Variants in ERC2 observed in about 807,000 individuals in gnomAD.
The protein encoded by ERC2 is ERC protein 2.
Under a neutral mutation model 114.8 loss-of-function variants are expected in ERC2, and 42 were observed. That is an observed-to-expected ratio of 0.37 (90% confidence interval 0.29 to 0.47). The LOEUF is 0.47. Among genes scored for constraint, ERC2 ranks in the 20% least tolerant of loss-of-function variants. ERC2 has a pLI of 0.99. For synonymous variants in ERC2, 454 were observed against 425.5 expected (o/e 1.07, Z -0.82); for missense variants, 939 against 1,150.7 (o/e 0.82, Z 2.66).
At chr3:56,151,547 A>C (rs1220654241) in intron 4 of ERC2, among the ~76,000 whole-genome samples, 1 of 152,202 alleles carries the variant, frequency 6.6e-6, no homozygotes, top group African/African-American at 2.4e-5. Flanking sequence ...CAAAACGCCA[A>C]ACCAGAGAAG....
chr3:56,441,985 C>T (rs546670462), intron 1 of ERC2, among the ~76,000 whole-genome samples: 9 of 152,266 alleles, frequency 5.9e-5, no homozygotes, highest in Middle Eastern at 6.8e-3. Context: ...CCAGCCTGGG[C>T]AACAAAGTGA....
chr3:56,076,631 T>C (rs915793040), intron 7 of ERC2, among the ~76,000 whole-genome samples: 1 of 152,222 alleles, frequency 6.6e-6, no homozygotes, highest in Non-Finnish European at 1.5e-5. Flanking sequence ...GAGAACTCCA[T>C]GTCTTGGAAT....
chr3:55,687,217 T>TTGTTGTTG (rs986568184), intron 16 of ERC2, among the ~76,000 whole-genome samples: 1 of 152,192 alleles, frequency 6.6e-6, no homozygotes, highest in Non-Finnish European at 1.5e-5. Flanking sequence ...GACAAGAGAC[T>TTGTTGTTG]TGTTGTTGTG....
At chr3:55,875,555 T>C (rs140064294) in intron 14 of ERC2, among the ~76,000 whole-genome samples, 38 of 152,278 alleles carry the variant, frequency 2.5e-4, no homozygotes, top group African/African-American at 8.9e-4. Flanking sequence ...CTTGTCCCAC[T>C]TGACTGGCAG....
Position 55,511,138 on chromosome 3 carries a change from A to G in ERC2, c.*178T>C, listed in dbSNP as rs1276708014. 1 of 152,620 alleles carries G rather than the reference A, an allele frequency of 6.6e-6. No homozygotes were observed. The highest frequency in any genetic ancestry group is 2.1e-4 in the South Asian group (1 of 4,824). The allele number at this position is 152,620 out of a possible 1,614,324, so 9.5% of individuals were successfully genotyped here. On this transcript the variant is annotated 3_prime_UTR_variant, in exon 18 of 18. Transcript: ENST00000288221. Reference sequence around the variant, plus strand: ...ATCAAGTAGAACAGAATCACGCTCAATAAGGTAAGTGAAAACTCCCCTTCA... The same window carrying G: ...ATCAAGTAGAACAGAATCACGCTCAGTAAGGTAAGTGAAAACTCCCCTTCA...
chr3:55,610,504 AAAACACACAC>A (rs1021838074), intron 17 of ERC2: 3 of 73,860 alleles, frequency 4.1e-5, no homozygotes, highest in African/African-American at 1.3e-4. Flanking sequence ...TCTCTACGGA[AAAACACACAC>A]ACACACACAC....
intron 6 of ERC2, among the ~76,000 whole-genome samples, chr3:56,092,814 G>A (rs2077864205): frequency 6.6e-6 from 1 of 152,104 alleles, no homozygotes; most frequent in South Asian, 2.1e-4. Flanking sequence ...AAAATACCAT[G>A]TGTCATTCAT....
intron 14 of ERC2, among the ~76,000 whole-genome samples, chr3:55,884,031 T>A (rs1449304848): frequency 6.6e-6 from 1 of 152,224 alleles, no homozygotes; most frequent in African/African-American, 2.4e-5. Context: ...CCTCATGTGA[T>A]GTTGTACTTT....
chr3:56,077,958 A>G (rs1328199673), intron 7 of ERC2, among the ~76,000 whole-genome samples: 1 of 152,168 alleles, frequency 6.6e-6, no homozygotes, highest in Non-Finnish European at 1.5e-5. Flanking sequence ...GTCAGCATAC[A>G]GTGTTCCATA....
chr3:55,592,846 G>A (rs2057960305), intron 17 of ERC2, among the ~76,000 whole-genome samples: 1 of 152,116 alleles, frequency 6.6e-6, no homozygotes, highest in Non-Finnish European at 1.5e-5. Flanking sequence ...CCCACCTTTG[G>A]TAGCTGATAT....
chr3:55,843,929 TG>T (rs1364340673), intron 14 of ERC2, among the ~76,000 whole-genome samples: 1 of 152,216 alleles, frequency 6.6e-6, no homozygotes, highest in African/African-American at 2.4e-5. Flanking sequence ...TAAATTGGAA[TG>T]AGACAAGGAT....
intron 12 of ERC2, among the ~76,000 whole-genome samples, chr3:55,981,833 C>A (rs2070162971): frequency 6.6e-6 from 1 of 152,198 alleles, no homozygotes; most frequent in Non-Finnish European, 1.5e-5. Flanking sequence ...AGAGCCCCAG[C>A]AACTCTCCAT....
chr3:55,873,398 C>T (rs563341086), intron 14 of ERC2, among the ~76,000 whole-genome samples: 26 of 151,972 alleles, frequency 1.7e-4, no homozygotes, highest in African/African-American at 2.9e-4. Flanking sequence ...CTCTGTTGCC[C>T]GAAATGTAAA....
chr3:55,830,808 A>T (rs1237467258), intron 14 of ERC2, among the ~76,000 whole-genome samples: 1 of 151,988 alleles, frequency 6.6e-6, no homozygotes, highest in East Asian at 1.9e-4. Context: ...ACCAGGTATG[A>T]TGCTATGTGC....
chr3:56,454,225 G>A (rs933038237), intron 1 of ERC2, among the ~76,000 whole-genome samples: 37 of 152,290 alleles, frequency 2.4e-4, no homozygotes, highest in African/African-American at 8.7e-4. Context: ...GCAGTTTAAA[G>A]CATGGGCTCT....
At chr3:55,896,527 C>T (rs777677784) in intron 13 of ERC2, among the ~76,000 whole-genome samples, 1 of 152,214 alleles carries the variant, frequency 6.6e-6, no homozygotes, top group Non-Finnish European at 1.5e-5. Context: ...TTTAGAAGTA[C>T]ATCTATTAGT....
rs1472870243 is a variant in ERC2 at position 55,808,745 on chromosome 3, C to A, written c.2565-73827G>T. Among the ~76,000 whole-genome samples, 74 of 51,328 alleles carry A rather than the reference C, an allele frequency of 1.4e-3. 1 individual carries two copies. Among genetic ancestry groups the A allele is most frequent in the African/African-American group, 4.1e-3 (50 of 12,322 alleles). 33.7% of individuals were successfully genotyped at this position (51,328 alleles called of 152,430 possible). A position where few individuals can be genotyped will look rare whatever the true frequency, so the allele number is the denominator to read the frequency against. The stretch of plus-strand genomic sequence containing the variant: ...TATATATATATATATATATATATAA[C>A]GTATAACTAAACATATATATATATA... On this transcript the variant is annotated intron_variant, in intron 14 of 17. Coordinates refer to ENST00000288221, the MANE Select transcript of ERC2 (RefSeq NM_015576.3).
intron 6 of ERC2, among the ~76,000 whole-genome samples, chr3:56,084,797 T>G (rs2077417897): frequency 6.6e-6 from 1 of 151,512 alleles, no homozygotes; most frequent in Admixed American, 6.6e-5. Flanking sequence ...ATCCCAGACT[T>G]CACCACTATA....
At chr3:56,204,650 G>T (rs538597142) in intron 3 of ERC2, among the ~76,000 whole-genome samples, 36 of 151,872 alleles carry the variant, frequency 2.4e-4, no homozygotes, top group Admixed American at 3.3e-4. Flanking sequence ...TTACAGTCGT[G>T]TACCACCATG....
Sources: allele counts gnomAD v4.1 joint callset (sites outside exome capture counted in the v4.1 genomes callset), GRCh38; gene constraint gnomAD v4.1.1; transcripts MANE v1.5; gene names NCBI Gene and HGNC (gene_info 2026-07-23, HGNC 2026-07-21).